The following DNAH9 variants were observed in gnomAD, a reference collection of about 807,000 sequenced individuals.
DNAH9 encodes DNAH9 variant protein.
A neutral mutation model predicts 471.6 loss-of-function variants in DNAH9; 345 were observed. The observed-to-expected ratio is 0.73, with a 90% CI of 0.67 to 0.80. The LOEUF (loss-of-function observed/expected upper bound fraction) is 0.80, where lower values mean the gene tolerates loss of function less well. Among genes scored for constraint, DNAH9 ranks in the 30% least tolerant of loss-of-function variants. The pLI is 0.00. For missense variants in DNAH9, 5,407 were observed against 5,609.2 expected (o/e 0.96, Z 1.15); for synonymous variants, 2,093 against 2,123.6 (o/e 0.99, Z 0.40).
chr17:11,905,395 C>G lies in DNAH9; in HGVS notation c.11601-266C>G, dbSNP rs140155836. ...TTGGTGGGGTGATGTGAGAAGCCACCAGGCTCCCCTGAGGGAGTCAGCGAT... is the reference window on the plus strand; with the variant it reads ...TTGGTGGGGTGATGTGAGAAGCCACGAGGCTCCCCTGAGGGAGTCAGCGAT... On this transcript the variant is annotated intron_variant, in intron 60 of 68. Transcript: ENST00000262442. 5.8e-3 allele frequency among the ~76,000 whole-genome samples: 881 copies of G among 152,268 alleles called. 7 individuals carry two copies. The highest frequency in any genetic ancestry group is 0.031 in the Middle Eastern group (9 of 294).
intron 29 of DNAH9, among the ~76,000 whole-genome samples, chr17:11,740,390 G>T (rs1464184049): frequency 6.6e-6 from 1 of 152,136 alleles, no homozygotes. Flanking sequence ...CAAAAGCAGG[G>T]TGCCAGCACG....
At chr17:11,913,504 C>T (rs1241307812) in intron 61 of DNAH9, among the ~76,000 whole-genome samples, 10 of 152,008 alleles carry the variant, frequency 6.6e-5, no homozygotes, top group South Asian at 2.1e-4. Context: ...ATTTATTGTC[C>T]GGGCACGGTG....
Position 11,822,595 on chromosome 17 carries a change from T to G in DNAH9, c.9008T>G (p.Ile3003Ser). The G allele has an allele frequency of 6.2e-7, 1 of 1,614,026 alleles. No homozygotes were observed. Among genetic ancestry groups the G allele is most frequent in the Non-Finnish European group, 8.5e-7 (1 of 1,179,980 alleles). Residue 3003 changes from isoleucine (I) to serine (S), a missense_variant, in exon 47 of 69, where the codon ATT (isoleucine) becomes AGT (serine). Transcript: ENST00000262442. ...SLRFLQNTEG[I>S]EPTVKQSISK... The stretch of plus-strand genomic sequence containing the variant: ...CGCTTCTTGCAGAACACAGAGGGCA[T>G]TGAGGTGAGAGAGAAAAGGAGACAC...
intron 68 of DNAH9, among the ~76,000 whole-genome samples, chr17:11,968,632 T>C (rs1205690201): frequency 6.6e-6 from 1 of 152,230 alleles, no homozygotes; most frequent in Non-Finnish European, 1.5e-5. Context: ...AAGTCCAGAA[T>C]ATGGTAAGCA....
At chr17:11,849,503 C>G (rs1489150623) in intron 49 of DNAH9, among the ~76,000 whole-genome samples, 2 of 152,240 alleles carry the variant, frequency 1.3e-5, no homozygotes, top group African/African-American at 4.8e-5. Context: ...CTCCACCACT[C>G]TCTGGACTGT....
At chr17:11,641,385 ACT>A (rs943923017) in intron 10 of DNAH9, among the ~76,000 whole-genome samples, 25 of 152,068 alleles carry the variant, frequency 1.6e-4, no homozygotes, top group African/African-American at 5.8e-4. Context: ...TTTTTCTCAA[ACT>A]CTGTGCAGAA....
At chr17:11,947,514 C>T (rs778693934) in intron 67 of DNAH9, among the ~76,000 whole-genome samples, 38 of 148,786 alleles carry the variant, frequency 2.6e-4, no homozygotes, top group Non-Finnish European at 5.2e-4. Flanking sequence ...ATTTCAAAGC[C>T]ATAAGACCAA....
intron 41 of DNAH9, among the ~76,000 whole-genome samples, chr17:11,785,385 C>A (rs1049626181): frequency 5.3e-5 from 8 of 152,136 alleles, no homozygotes; most frequent in African/African-American, 1.9e-4. Context: ...GGCAGTGACA[C>A]CACCTTCCAA....
Position 11,690,389 on chromosome 17 carries a change from G to A in DNAH9, c.4567G>A (p.Glu1523Lys). The A allele has an allele frequency of 6.2e-7, 1 of 1,614,176 alleles. No individual in the cohort carries two copies. The highest frequency in any genetic ancestry group is 1.1e-5 in the South Asian group (1 of 91,084). Residue 1523 changes from glutamate to lysine, a missense_variant, in exon 20 of 69, where the codon GAA (glutamate) becomes AAA (lysine). Glu to Lys is a moderately conservative substitution (Grantham distance 56). Transcript: ENST00000262442. ...AGTGCAGCGAACATGGACTCACCTG[G>A]AAAGCATATTCACTGGATCTGAAGA... ...FEVQRTWTHL[E>K]SIFTGSEDIR...
At chr17:11,837,781 T>C (rs1970895619) in intron 49 of DNAH9, among the ~76,000 whole-genome samples, 1 of 152,238 alleles carries the variant, frequency 6.6e-6, no homozygotes, top group Non-Finnish European at 1.5e-5. Flanking sequence ...GTGCCACCTC[T>C]TCTGCATCAG....
chr17:11,866,298 C>T lies in DNAH9; in HGVS notation c.9934-2836C>T, dbSNP rs974653841. Among the ~76,000 whole-genome samples, 1,162 of 152,242 alleles carry T rather than the reference C, an allele frequency of 7.6e-3. 15 individuals carry two copies. Among genetic ancestry groups the T allele is most frequent in the African/African-American group, 0.025 (1,052 of 41,534 alleles). On this transcript the variant is annotated intron_variant, in intron 50 of 68. Coordinates refer to ENST00000262442, the MANE Select transcript of DNAH9 (RefSeq NM_001372.4). The stretch of plus-strand genomic sequence containing the variant: ...GGAGGTCCACTCCAGACCCTGTTTG[C>T]CTGGGTATCAGCAGCGGTGTCTGCA...
Position 11,951,523 on chromosome 17 carries a change from A to G in DNAH9, c.12843+9038A>G, listed in dbSNP as rs573081242. On this transcript the variant is annotated intron_variant, in intron 67 of 68. Coordinates refer to ENST00000262442, the MANE Select transcript of DNAH9 (RefSeq NM_001372.4). Reference sequence around the variant, plus strand: ...TGGCAAAATCCCATCTCTACTGGAAATACAAAAATTAGCTGGGCATAGTGG... The same window carrying G: ...TGGCAAAATCCCATCTCTACTGGAAGTACAAAAATTAGCTGGGCATAGTGG... 6.9e-4 allele frequency among the ~76,000 whole-genome samples: 105 copies of G among 152,282 alleles called. No homozygotes were observed. In the South Asian group the frequency reaches 0.014, roughly 20 times the overall value.
chr17:11,878,770 G>C (rs996537399), intron 53 of DNAH9, among the ~76,000 whole-genome samples: 1 of 152,078 alleles, frequency 6.6e-6, no homozygotes, highest in Non-Finnish European at 1.5e-5. Flanking sequence ...GCCCAGGCTG[G>C]TCTCAAACTC....
At chr17:11,838,423 A>G (rs573236160) in intron 49 of DNAH9, among the ~76,000 whole-genome samples, 1 of 152,320 alleles carries the variant, frequency 6.6e-6, no homozygotes, top group South Asian at 2.1e-4. Flanking sequence ...GTGACTTGAG[A>G]TCACAGAAGA....
chr17:11,778,354 A>AAAAAAAAAG (rs1246351475), intron 38 of DNAH9, among the ~76,000 whole-genome samples: 16 of 137,968 alleles, frequency 1.2e-4, no homozygotes, highest in Non-Finnish European at 1.9e-4. Context: ...AAAAAAAAAA[A>AAAAAAAAAG]AAAAAAAAGA....
intron 61 of DNAH9, among the ~76,000 whole-genome samples, chr17:11,917,259 C>T (rs570790381): frequency 4.6e-5 from 7 of 152,134 alleles, no homozygotes; most frequent in Non-Finnish European, 7.4e-5. Flanking sequence ...CGGGTTCAAG[C>T]GATTCTCCTG....
intron 29 of DNAH9, among the ~76,000 whole-genome samples, chr17:11,739,399 C>T (rs1322583319): frequency 1.3e-5 from 2 of 152,082 alleles, no homozygotes; most frequent in Non-Finnish European, 2.9e-5. Flanking sequence ...GCATGGTTTA[C>T]AATGTAATTA....
chr17:11,790,151 G>A (rs1186667471), intron 41 of DNAH9, among the ~76,000 whole-genome samples: 1 of 151,370 alleles, frequency 6.6e-6, no homozygotes, highest in Admixed American at 6.6e-5. Context: ...GCAGATATTG[G>A]GTATAGTTTT....
intron 26 of DNAH9, among the ~76,000 whole-genome samples, chr17:11,708,010 CACACAGAGAGAG>C (rs2074751152): frequency 2.5e-4 from 12 of 48,224 alleles, no homozygotes; most frequent in African/African-American, 7.4e-4. Context: ...CACACACACA[CACACAGAGAGAG>C]AGAGAGAGAG....
Sources: gnomAD v4.1 joint callset for allele counts (sites outside exome capture counted in the v4.1 genomes callset) on GRCh38, gnomAD v4.1.1 for gene constraint, MANE v1.5 for transcripts, NCBI Gene and HGNC (gene_info 2026-07-23, HGNC 2026-07-21) for gene names.